The following ELF2 variants were observed in gnomAD, a reference collection of about 807,000 sequenced individuals.
The protein encoded by ELF2 is ETS-related transcription factor Elf-2.
In ELF2, 11 loss-of-function variants were observed where a neutral mutation model predicts 54.8. That is an observed-to-expected ratio of 0.20 (90% confidence interval 0.13 to 0.33). The LOEUF (loss-of-function observed/expected upper bound fraction) is 0.33. ELF2 is among the 10% of genes least tolerant of loss of function. The pLI is 1.00. For missense variants in ELF2, 513 were observed against 703.0 expected, an observed-to-expected ratio of 0.73 and a Z score of 3.06; for synonymous variants, 203 against 245.1, an observed-to-expected ratio of 0.83 and a Z score of 1.61.
intron 4 of ELF2, among the ~76,000 whole-genome samples, chr4:139,087,000 T>C (rs567235137): frequency 2.4e-4 from 37 of 152,330 alleles, no homozygotes; most frequent in African/African-American, 8.4e-4. Context: ...TTGTAAGTCC[T>C]TCTGTCATAT....
chr4:139,167,407 AG>A (rs1741831608), intron 1 of ELF2, among the ~76,000 whole-genome samples: 1 of 152,176 alleles, frequency 6.6e-6, no homozygotes, highest in African/African-American at 2.4e-5. Flanking sequence ...TATAAATCTG[AG>A]ATTTCTTTGT....
intron 4 of ELF2, chr4:139,116,708 C>T (rs766444927): frequency 4.1e-6 from 4 of 985,400 alleles, no homozygotes; most frequent in Non-Finnish European, 4.8e-6. Context: ...AGGATAGGGG[C>T]TCGTTTTCAG....
intron 1 of ELF2, among the ~76,000 whole-genome samples, chr4:139,143,300 G>A (rs1738896836): frequency 6.6e-6 from 1 of 152,176 alleles, no homozygotes; most frequent in Admixed American, 6.5e-5. Context: ...TCAGAGATCT[G>A]TGCTCTGATC....
intron 1 of ELF2, among the ~76,000 whole-genome samples, chr4:139,171,438 A>G (rs944590773): frequency 6.6e-6 from 1 of 152,066 alleles, no homozygotes; most frequent in Non-Finnish European, 1.5e-5. Flanking sequence ...TTAATATCCT[A>G]CTGCTCAAGG....
chr4:139,147,538 C>G (rs1739354837), intron 1 of ELF2, among the ~76,000 whole-genome samples: 1 of 152,194 alleles, frequency 6.6e-6, no homozygotes, highest in Non-Finnish European at 1.5e-5. Context: ...GTGGCGCGAT[C>G]TCGGCTCACG....
In ELF2 at chr4:139,058,407, G is replaced by GTATATATATATATATATA. The variant is rs113800639; in HGVS notation, c.*558_*575dup. On this transcript the variant is annotated 3_prime_UTR_variant, in exon 10 of 10. Transcript: ENST00000686138. ...AGCTATATGATATATATATATGTAT[G>GTATATATATATATATATA]TATATATATATATATATATATATAA... 3 of 142,152 alleles carry GTATATATATATATATATA rather than the reference G, an allele frequency of 2.1e-5. No individual in the cohort carries two copies. Among genetic ancestry groups the GTATATATATATATATATA allele is most frequent in the South Asian group, 2.2e-4 (1 of 4,508 alleles). The allele number at this position is 142,152 out of a possible 1,614,324, so 8.8% of individuals were successfully genotyped here.
Position 139,059,089 on chromosome 4 carries a change from G to T in ELF2, c.1676C>A (p.Ala559Glu), listed in dbSNP as rs1727425977. The T allele has an allele frequency of 6.2e-7, 1 of 1,613,954 alleles. No individual in the cohort carries two copies. The highest frequency in any genetic ancestry group is 1.3e-5 in the African/African-American group (1 of 75,040). Residue 559 changes from alanine to glutamate, a missense_variant, in exon 10 of 10, where the codon GCA becomes GAA. Coordinates refer to ENST00000686138, the MANE Select transcript of ELF2 (RefSeq NM_001331036.3). The stretch of plus-strand genomic sequence containing the variant: ...GTGGGTCACTGTCTTATTTCCATCT[G>T]CTGGTTTTTCTTCTACTAGCTGCAA... ...KTLQLVEEKP[A>E]DGNKTVTHVV... is the part of the protein sequence containing the mutation.
At chr4:139,123,980 T>C (rs774664288) in intron 4 of ELF2, among the ~76,000 whole-genome samples, 8 of 152,318 alleles carry the variant, frequency 5.3e-5, no homozygotes, top group Non-Finnish European at 1.0e-4. Context: ...CACTATATAC[T>C]GTAAATCAGA....
At chr4:139,130,204 C>G (rs573007093) in intron 3 of ELF2, among the ~76,000 whole-genome samples, 2 of 151,776 alleles carry the variant, frequency 1.3e-5, no homozygotes, top group East Asian at 3.9e-4. Flanking sequence ...TAAAGAGATT[C>G]TCCCTCCTAG....
intron 1 of ELF2, among the ~76,000 whole-genome samples, chr4:139,172,381 G>C (rs947626929): frequency 3.2e-4 from 49 of 152,168 alleles, no homozygotes; most frequent in African/African-American, 1.2e-3. Context: ...TGAGCAGCAT[G>C]ATGAAACCTC....
Position 139,063,115 on chromosome 4 carries a change from G to A in ELF2, c.614-1058C>T, listed in dbSNP as rs150691450. Among the ~76,000 whole-genome samples the A allele has an allele frequency of 6.1e-3, 924 of 152,192 alleles. 12 individuals are homozygous for A. Among genetic ancestry groups the A allele is most frequent in the African/African-American group, 0.021 (889 of 41,526 alleles). On this transcript the variant is annotated intron_variant, in intron 7 of 9. Transcript: ENST00000686138. ...TCTACTAAAAATATAAAATTTAGCT[G>A]CGCATGGTGGCGTGCACCTGTAATC...
At chr4:139,149,214 TA>T (rs1739593162) in intron 1 of ELF2, among the ~76,000 whole-genome samples, 1 of 152,196 alleles carries the variant, frequency 6.6e-6, no homozygotes, top group South Asian at 2.1e-4. Context: ...AGTCTTCAGA[TA>T]TTAGAAGAAA....
chr4:139,080,615 G>A (rs1335019076), intron 4 of ELF2, among the ~76,000 whole-genome samples: 1 of 151,762 alleles, frequency 6.6e-6, no homozygotes, highest in Non-Finnish European at 1.5e-5. Context: ...AATAAAATAA[G>A]AAAAGACAAA....
chr4:139,075,417 C>T lies in ELF2; in HGVS notation c.239-1850G>A, dbSNP rs73852761. Among the ~76,000 whole-genome samples, 842 of 152,150 alleles carry T rather than the reference C, an allele frequency of 5.5e-3. 9 individuals are homozygous for T. The highest frequency in any genetic ancestry group is 0.019 in the African/African-American group (794 of 41,538). On this transcript the variant is annotated intron_variant, in intron 4 of 9. Coordinates refer to ENST00000686138, the MANE Select transcript of ELF2 (RefSeq NM_001331036.3). ...TTCCCAACATAGACTTTTCATGGAG[C>T]AGACATGCGGATTTTTATTTTTATT...
intron 4 of ELF2, among the ~76,000 whole-genome samples, chr4:139,120,625 A>C (rs1238358257): frequency 6.6e-6 from 1 of 151,774 alleles, no homozygotes; most frequent in African/African-American, 2.4e-5. Flanking sequence ...TTTTTTTTTA[A>C]GAGATGGAGT....
chr4:139,068,049 C>CA (rs1728973467), intron 6 of ELF2, among the ~76,000 whole-genome samples: 1 of 150,890 alleles, frequency 6.6e-6, no homozygotes, highest in South Asian at 2.1e-4. Flanking sequence ...TTTTTTGAGA[C>CA]AGAGTCTTGC....
rs113886065 is a variant in ELF2 at position 139,075,895 on chromosome 4, G to A, written c.239-2328C>T. Among the ~76,000 whole-genome samples, 1,065 of 152,258 alleles carry A rather than the reference G, an allele frequency of 7.0e-3. 15 individuals carry two copies. Among genetic ancestry groups the A allele is most frequent in the African/African-American group, 0.024 (1,012 of 41,554 alleles). ...CGTTCTGAAACATGAATATTTAAGA[G>A]TCTCTAACTTGACAGATTTTTTTTA... On this transcript the variant is annotated intron_variant, in intron 4 of 9. Coordinates refer to ENST00000686138, the MANE Select transcript of ELF2 (RefSeq NM_001331036.3).
At chr4:139,098,503 CTG>C (rs1332852229) in intron 4 of ELF2, among the ~76,000 whole-genome samples, 3 of 148,834 alleles carry the variant, frequency 2.0e-5, no homozygotes, top group Non-Finnish European at 4.4e-5. Flanking sequence ...GAGCTTCACT[CTG>C]TCACCCAGGC....
intron 7 of ELF2, among the ~76,000 whole-genome samples, chr4:139,064,309 C>T (rs1160116263): frequency 1.3e-5 from 2 of 152,164 alleles, no homozygotes; most frequent in Middle Eastern, 3.4e-3. Flanking sequence ...AACGAGACTC[C>T]GTCTCAAGAA....
Sources: allele counts gnomAD v4.1 joint callset (sites outside exome capture counted in the v4.1 genomes callset), GRCh38; gene constraint gnomAD v4.1.1; transcripts MANE v1.5; gene names NCBI Gene and HGNC (gene_info 2026-07-23, HGNC 2026-07-21).